Variants in CNTN5 observed in about 807,000 individuals in gnomAD.
The protein encoded by CNTN5 is contactin-5.
CNTN5 carries 77 observed loss-of-function variants against 129.1 expected under a neutral mutation model. The ratio of observed to expected loss-of-function variants is 0.60; its 90% confidence interval spans 0.50 to 0.72. CNTN5 has a LOEUF of 0.72. Among genes scored for constraint, CNTN5 ranks in the 30% least tolerant of loss-of-function variants. The probability of loss-of-function intolerance (pLI) is 0.00; values close to 1 mark genes in which losing one functional copy is unlikely to be tolerated. For missense variants in CNTN5, 1,478 were observed against 1,328.8 expected (o/e 1.11, Z -1.75); for synonymous variants, 509 against 465.6 (o/e 1.09, Z -1.20).
At chr11:99,937,764 C>T (rs952532407) in intron 7 of CNTN5, among the ~76,000 whole-genome samples, 1 of 152,148 alleles carries the variant, frequency 6.6e-6, no homozygotes, top group Non-Finnish European at 1.5e-5. Context: ...TGGGAAAGTA[C>T]TCTAGTAGCA....
intron 3 of CNTN5, among the ~76,000 whole-genome samples, chr11:99,635,487 T>G (rs71474531): frequency 0.034 from 3,158 of 93,138 alleles, 46 homozygotes; most frequent in Non-Finnish European, 0.057. Context: ...CTAGCAGAAG[T>G]AATAAAACAA....
At chr11:99,080,338 T>A (rs375884694) in intron 1 of CNTN5, among the ~76,000 whole-genome samples, 1 of 152,046 alleles carries the variant, frequency 6.6e-6, no homozygotes, top group South Asian at 2.1e-4. Context: ...TGTTATGAGG[T>A]TCCTAGCAAC....
chr11:99,382,845 C>CTTTTTTTT lies in CNTN5; in HGVS notation c.-71+57384_-71+57391dup, dbSNP rs1163660333. The stretch of plus-strand genomic sequence containing the variant: ...ACATCTCACTAGTGTCTCTAAATAA[C>CTTTTTTTT]TTTTTTTTTTTTTTTTTTTTTTTTT... On this transcript the variant is annotated intron_variant, in intron 2 of 24. Coordinates refer to ENST00000524871, the MANE Select transcript of CNTN5 (RefSeq NM_014361.4). Among the ~76,000 whole-genome samples, 591 of 76,968 alleles carry CTTTTTTTT rather than the reference C, an allele frequency of 7.7e-3. 167 individuals are homozygous for CTTTTTTTT. Among genetic ancestry groups the CTTTTTTTT allele is most frequent in the African/African-American group, 0.027 (433 of 16,144 alleles). The allele number at this position is 76,968 out of a possible 152,430, so 50.5% of individuals were successfully genotyped here.
chr11:100,125,499 T>A (rs538214040), intron 13 of CNTN5, among the ~76,000 whole-genome samples: 1 of 152,224 alleles, frequency 6.6e-6, no homozygotes, highest in South Asian at 2.1e-4. Context: ...ATGATTTCAT[T>A]CTTTTTTATG....
intron 6 of CNTN5, among the ~76,000 whole-genome samples, chr11:99,869,662 C>T (rs1185890291): frequency 6.6e-6 from 1 of 152,106 alleles, no homozygotes; most frequent in East Asian, 1.9e-4. Context: ...TCACCAGCTG[C>T]AACTTTCTGA....
At chr11:99,158,549 A>G (rs1164948831) in intron 1 of CNTN5, among the ~76,000 whole-genome samples, 1 of 152,092 alleles carries the variant, frequency 6.6e-6, no homozygotes, top group African/African-American at 2.4e-5. Flanking sequence ...ATTTTTTTGC[A>G]TATAACAAAG....
intron 6 of CNTN5, among the ~76,000 whole-genome samples, chr11:99,897,776 GA>G (rs1201402767): frequency 6.6e-6 from 1 of 152,182 alleles, no homozygotes; most frequent in East Asian, 1.9e-4. Context: ...ACTATGTCAG[GA>G]ATAAAAACTT....
chr11:99,950,212 C>G (rs1950639644), intron 7 of CNTN5, among the ~76,000 whole-genome samples: 1 of 152,182 alleles, frequency 6.6e-6, no homozygotes, highest in Admixed American at 6.5e-5. Context: ...GGCACAGTGG[C>G]TCACGCCTGT....
At chr11:99,387,197 A>G (rs1288913765) in intron 2 of CNTN5, among the ~76,000 whole-genome samples, 1 of 152,202 alleles carries the variant, frequency 6.6e-6, no homozygotes, top group African/African-American at 2.4e-5. Flanking sequence ...AACTCATAAG[A>G]AATGGTAACA....
At chr11:100,033,728 A>G (rs1196586618) in intron 9 of CNTN5, among the ~76,000 whole-genome samples, 1 of 152,192 alleles carries the variant, frequency 6.6e-6, no homozygotes, top group East Asian at 1.9e-4. Flanking sequence ...TGGTCTCACT[A>G]TAATTGTATT....
At chr11:99,243,148 T>G (rs927469721) in intron 1 of CNTN5, among the ~76,000 whole-genome samples, 2 of 152,182 alleles carry the variant, frequency 1.3e-5, no homozygotes, top group African/African-American at 2.4e-5. Flanking sequence ...TTTGTTGTTT[T>G]TTGACTTTTT....
intron 7 of CNTN5, among the ~76,000 whole-genome samples, chr11:99,916,678 C>T (rs995592028): frequency 6.6e-5 from 10 of 152,056 alleles, no homozygotes; most frequent in Admixed American, 2.0e-4. Flanking sequence ...ATGGTGAGTA[C>T]TTTATGTGGC....
chr11:99,819,292 C>T (rs1946693839), intron 3 of CNTN5, among the ~76,000 whole-genome samples: 1 of 81,806 alleles, frequency 1.2e-5, no homozygotes, highest in Non-Finnish European at 2.5e-5. Flanking sequence ...TCCCTCTCCT[C>T]TCCTCCCCTT....
chr11:99,950,681 A>G (rs968679571), intron 7 of CNTN5, among the ~76,000 whole-genome samples: 1 of 152,224 alleles, frequency 6.6e-6, no homozygotes, highest in African/African-American at 2.4e-5. Flanking sequence ...GCTTTATGCT[A>G]GATAGTTTAT....
At chr11:99,407,828 C>T (rs958275011) in intron 2 of CNTN5, among the ~76,000 whole-genome samples, 1 of 152,098 alleles carries the variant, frequency 6.6e-6, no homozygotes, top group Admixed American at 6.5e-5. Context: ...TCTAGTTTTG[C>T]TTTCTTCTAT....
intron 3 of CNTN5, among the ~76,000 whole-genome samples, chr11:99,746,158 T>C (rs1944049783): frequency 6.6e-6 from 1 of 152,326 alleles, no homozygotes; most frequent in Non-Finnish European, 1.5e-5. Context: ...CCCAAACCAA[T>C]GGCAAGAATA....
rs1378530174 is a variant in CNTN5 at position 100,070,420 on chromosome 11, A to G, written c.1163-4A>G. On this transcript the variant is annotated splice_region_variant and splice_polypyrimidine_tract_variant and intron_variant, in intron 10 of 24. Coordinates refer to ENST00000524871, the MANE Select transcript of CNTN5 (RefSeq NM_014361.4). ...ATCCTTGTTTACTGCTTACATACTT[A>G]CAGCCTACCCACACTGGGTAGAAAA... is the stretch of plus-strand genomic sequence containing the variant. 6.2e-7 allele frequency: 1 copy of G among 1,610,790 alleles called. No homozygotes were observed.
At chr11:99,029,339 TC>T (rs940496265) in intron 1 of CNTN5, among the ~76,000 whole-genome samples, 1 of 152,164 alleles carries the variant, frequency 6.6e-6, no homozygotes, top group African/African-American at 2.4e-5. Context: ...CAAAGAATTT[TC>T]TTGAATGTAT....
chr11:99,956,414 GTCTAT>G (rs1950803042), intron 7 of CNTN5, among the ~76,000 whole-genome samples: 1 of 151,956 alleles, frequency 6.6e-6, no homozygotes, highest in Non-Finnish European at 1.5e-5. Context: ...TTACAATAAG[GTCTAT>G]ATCTGTATCT....
Sources: gnomAD v4.1 joint callset for allele counts (sites outside exome capture counted in the v4.1 genomes callset) on GRCh38, gnomAD v4.1.1 for gene constraint, MANE v1.5 for transcripts, NCBI Gene and HGNC (gene_info 2026-07-23, HGNC 2026-07-21) for gene names.